The following GATAD2A variants were observed in gnomAD, a reference collection of about 807,000 sequenced individuals.
The protein encoded by GATAD2A is GATA zinc finger domain containing 2A.
A neutral mutation model predicts 68.5 loss-of-function variants in GATAD2A; 12 were observed. The observed-to-expected ratio is 0.18, with a 90% CI of 0.11 to 0.28. GATAD2A has a LOEUF of 0.28. GATAD2A is among the 10% of genes least tolerant of loss of function. The pLI is 1.00. For synonymous variants in GATAD2A, 410 were observed against 375.3 expected, an observed-to-expected ratio of 1.09 and a Z score of -1.07; for missense variants, 755 against 868.5, an observed-to-expected ratio of 0.87 and a Z score of 1.64.
At chr19:19,470,173 CAG>C (rs1442254667) in intron 2 of GATAD2A, among the ~76,000 whole-genome samples, 1 of 127,152 alleles carries the variant, frequency 7.9e-6, no homozygotes, top group Non-Finnish European at 1.6e-5. Context: ...TTTTTTGAGA[CAG>C]AGTCTCACTC....
chr19:19,423,443 G>A (rs916569942), intron 1 of GATAD2A, among the ~76,000 whole-genome samples: 3 of 152,254 alleles, frequency 2.0e-5, no homozygotes, highest in East Asian at 3.8e-4. Flanking sequence ...TGCGTCATCA[G>A]TTTGCCGCAG....
chr19:19,494,632 G>C (rs1269386978), intron 5 of GATAD2A, among the ~76,000 whole-genome samples: 1 of 152,272 alleles, frequency 6.6e-6, no homozygotes, highest in Non-Finnish European at 1.5e-5. Context: ...AACACTGGAA[G>C]GGGGCTTTCC....
chr19:19,492,770 T>TC (rs780901841), intron 4 of GATAD2A, 58 bp downstream of exon 4: 8 of 1,581,846 alleles, frequency 5.1e-6, no homozygotes, highest in Non-Finnish European at 6.9e-6. Flanking sequence ...CTTGCCTTGA[T>TC]CCCCTCATCA....
At chr19:19,487,774 A>G (rs1162251616) in intron 2 of GATAD2A, among the ~76,000 whole-genome samples, 1 of 152,130 alleles carries the variant, frequency 6.6e-6, no homozygotes, top group Non-Finnish European at 1.5e-5. Context: ...AGCTTGGTTC[A>G]TGTCAGGTAG....
chr19:19,448,349 C>T (rs1315421664), intron 1 of GATAD2A, among the ~76,000 whole-genome samples: 1 of 152,252 alleles, frequency 6.6e-6, no homozygotes, highest in Admixed American at 6.5e-5. Flanking sequence ...CCCTGGCCAA[C>T]AGCGGCGCAG....
intron 8 of GATAD2A, 44 bp from the exon 9 acceptor site, chr19:19,501,074 T>A: frequency 6.4e-7 from 1 of 1,554,216 alleles, no homozygotes; most frequent in South Asian, 1.2e-5. Flanking sequence ...GCCCTGACTG[T>A]CGTCCTGGCC....
chr19:19,448,075 G>A (rs997487204), intron 1 of GATAD2A, among the ~76,000 whole-genome samples: 2 of 152,206 alleles, frequency 1.3e-5, no homozygotes, highest in East Asian at 1.9e-4. Context: ...AATGGCAGGC[G>A]TAACCCTTCG....
chr19:19,412,219 G>C (rs973133418), intron 1 of GATAD2A, among the ~76,000 whole-genome samples: 1 of 151,012 alleles, frequency 6.6e-6, no homozygotes, highest in Non-Finnish European at 1.5e-5. Context: ...GCAGTGACGC[G>C]ATCTCAGCTC....
At chr19:19,386,303 A>G (rs1044847717) in intron 1 of GATAD2A, among the ~76,000 whole-genome samples, 1 of 135,792 alleles carries the variant, frequency 7.4e-6, no homozygotes, top group Non-Finnish European at 1.6e-5. Flanking sequence ...TCTCCAGGGG[A>G]CCCCCGCCTC....
intron 1 of GATAD2A, among the ~76,000 whole-genome samples, chr19:19,419,418 A>C (rs2052062841): frequency 6.6e-6 from 1 of 151,672 alleles, no homozygotes; most frequent in South Asian, 2.1e-4. Flanking sequence ...AGCTGGGCTC[A>C]GTCCTGGGAG....
chr19:19,412,639 G>C (rs533737838), intron 1 of GATAD2A, among the ~76,000 whole-genome samples: 1 of 152,072 alleles, frequency 6.6e-6, no homozygotes, highest in African/African-American at 2.4e-5. Context: ...CTGCGGGGGG[G>C]ATAAAAAAGG....
At chr19:19,466,245 C>T (rs963837120) in intron 2 of GATAD2A, among the ~76,000 whole-genome samples, 8 of 152,180 alleles carry the variant, frequency 5.3e-5, no homozygotes, top group Non-Finnish European at 1.5e-5. Context: ...CCCAATCTAC[C>T]ACCTATTTCT....
chr19:19,480,817 G>A (rs957133681), intron 2 of GATAD2A, among the ~76,000 whole-genome samples: 3 of 152,224 alleles, frequency 2.0e-5, no homozygotes, highest in Non-Finnish European at 4.4e-5. Flanking sequence ...TGGGTTGTGG[G>A]TGTACCTAGC....
chr19:19,401,182 A>C (rs141840476), upstream of GATAD2A, among the ~76,000 whole-genome samples: 1,899 of 145,300 alleles, frequency 0.013, 63 homozygotes, highest in South Asian at 0.069. Flanking sequence ...TTCGTTTTTC[A>C]TAAAGGTGAT....
chr19:19,469,690 T>C (rs1256752619), intron 2 of GATAD2A, among the ~76,000 whole-genome samples: 1 of 152,156 alleles, frequency 6.6e-6, no homozygotes, highest in Non-Finnish European at 1.5e-5. Flanking sequence ...CTCACGCCTG[T>C]AATGCCAGCA....
At chr19:19,459,914 T>G (rs1321758438) in intron 1 of GATAD2A, among the ~76,000 whole-genome samples, 1 of 152,240 alleles carries the variant, frequency 6.6e-6, no homozygotes, top group Non-Finnish European at 1.5e-5. Context: ...AGTTTGACAT[T>G]GAGAAGTCCA....
intron 1 of GATAD2A, chr19:19,441,870 T>C (rs1600135957): frequency 6.6e-6 from 1 of 152,552 alleles, no homozygotes; most frequent in East Asian, 1.9e-4. Context: ...GGCCTGGTTT[T>C]TGTTTTTTGA....
chr19:19,423,512 G>A (rs1263225087), intron 1 of GATAD2A, among the ~76,000 whole-genome samples: 2 of 152,278 alleles, frequency 1.3e-5, no homozygotes. Flanking sequence ...GCAAGGCCCT[G>A]AGAATCCTGG....
intron 2 of GATAD2A, among the ~76,000 whole-genome samples, chr19:19,468,090 G>A (rs1480093570): frequency 1.3e-5 from 2 of 152,168 alleles, no homozygotes; most frequent in African/African-American, 4.8e-5. Context: ...ATTGAGCAGG[G>A]GCATACAACA....
Sources: allele counts gnomAD v4.1 joint callset (sites outside exome capture counted in the v4.1 genomes callset), GRCh38; gene constraint gnomAD v4.1.1; transcripts MANE v1.5; gene names NCBI Gene and HGNC (gene_info 2026-07-23, HGNC 2026-07-21).